Variants in PXYLP1 observed in about 807,000 individuals in gnomAD.
PXYLP1 encodes the protein 2-phosphoxylose phosphatase 1.
Under a neutral mutation model 37.9 loss-of-function variants are expected in PXYLP1, and 17 were observed. The ratio of observed to expected loss-of-function variants is 0.45; its 90% confidence interval spans 0.31 to 0.67. The LOEUF (loss-of-function observed/expected upper bound fraction) is 0.67, where lower values mean the gene tolerates loss of function less well. Ranked by LOEUF, PXYLP1 falls within the 30% of genes least tolerant of loss-of-function variation. The probability of loss-of-function intolerance (pLI) is 0.07; values close to 1 mark genes in which losing one functional copy is unlikely to be tolerated. For synonymous variants in PXYLP1, 221 were observed against 232.2 expected, an observed-to-expected ratio of 0.95 and a Z score of 0.44; for missense variants, 511 against 612.0, an observed-to-expected ratio of 0.84 and a Z score of 1.74.
chr3:141,276,959 C>T (rs6775902), intron 2 of PXYLP1, among the ~76,000 whole-genome samples: 44,679 of 152,102 alleles, frequency 0.29, 8,592 homozygotes, highest in African/African-American at 0.55. Flanking sequence ...TAATTATGAA[C>T]AAACTTAAGC....
At chr3:141,269,391 AG>A (rs1941608120) in intron 2 of PXYLP1, among the ~76,000 whole-genome samples, 1 of 152,050 alleles carries the variant, frequency 6.6e-6, no homozygotes, top group African/African-American at 2.4e-5. Context: ...TCTGGGTGGT[AG>A]GATTTATGGG....
chr3:141,267,397 A>C (rs892769447), intron 2 of PXYLP1: 2 of 152,208 alleles, frequency 1.3e-5, no homozygotes, highest in African/African-American at 4.8e-5. Flanking sequence ...GGAGACAAAA[A>C]GTATGAGAAA....
At chr3:141,238,368 G>A (rs901267406) in intron 1 of PXYLP1, among the ~76,000 whole-genome samples, 4 of 152,224 alleles carry the variant, frequency 2.6e-5, no homozygotes, top group Non-Finnish European at 5.9e-5. Context: ...CTGCCATCAC[G>A]GAGCTGGCAC....
chr3:141,279,269 T>A, intron 3 of PXYLP1, 109 bp from the exon 4 acceptor site: 1 of 1,437,776 alleles, frequency 7.0e-7, no homozygotes, highest in Non-Finnish European at 9.5e-7. Flanking sequence ...CCCTGCTGCC[T>A]CCGGCTCAGA....
intron 2 of PXYLP1, chr3:141,267,522 G>T (rs1941547915): frequency 6.6e-6 from 1 of 151,714 alleles, no homozygotes; most frequent in African/African-American, 2.4e-5. Context: ...TTTTCTTAAA[G>T]ATTTTACTTT....
Position 141,293,870 on chromosome 3 carries a change from C to G in PXYLP1, c.*665C>G, listed in dbSNP as rs961819396. On this transcript the variant is annotated 3_prime_UTR_variant, in exon 6 of 6. Transcript: ENST00000286353. ...GCTGACCCCTCATCTAAAAAATAGGCTATACTACAATTGCACTTCCAGCAC... is the reference window on the plus strand; with the variant it reads ...GCTGACCCCTCATCTAAAAAATAGGGTATACTACAATTGCACTTCCAGCAC... 2 of 152,214 alleles carry G rather than the reference C, an allele frequency of 1.3e-5. No homozygotes were observed. The highest frequency in any genetic ancestry group is 4.8e-5 in the African/African-American group (2 of 41,446). The allele number at this position is 152,214 out of a possible 1,614,324, so 9.4% of individuals were successfully genotyped here.
intron 2 of PXYLP1, among the ~76,000 whole-genome samples, chr3:141,268,153 A>G (rs1941567105): frequency 6.9e-6 from 1 of 145,542 alleles, no homozygotes; most frequent in Non-Finnish European, 1.5e-5. Flanking sequence ...GTACCTTTAT[A>G]TGCGGGTGGG....
chr3:141,244,392 A>G (rs535345915), intron 1 of PXYLP1, among the ~76,000 whole-genome samples: 3 of 151,858 alleles, frequency 2.0e-5, no homozygotes, highest in Non-Finnish European at 4.4e-5. Context: ...TGCACCCAAC[A>G]TACTATAAAA....
intron 1 of PXYLP1, among the ~76,000 whole-genome samples, chr3:141,236,953 TATTA>T (rs1420833352): frequency 3.3e-5 from 5 of 152,310 alleles, no homozygotes; most frequent in South Asian, 2.1e-4. Context: ...ATGCAAGTTA[TATTA>T]ATTATTAGGA....
chr3:141,257,904 CAAAAA>C lies in PXYLP1; in HGVS notation c.-53-2201_-53-2197del, dbSNP rs59070598. Among the ~76,000 whole-genome samples, 13 of 79,446 alleles carry C rather than the reference CAAAAA, an allele frequency of 1.6e-4. 1 individual carries two copies. The highest frequency in any genetic ancestry group is 8.6e-3 in the Middle Eastern group (1 of 116). The allele number at this position is 79,446 out of a possible 152,430, so 52.1% of individuals were successfully genotyped here. On this transcript the variant is annotated intron_variant, in intron 1 of 5. Coordinates refer to ENST00000286353, the MANE Select transcript of PXYLP1 (RefSeq NM_001037172.3). The stretch of plus-strand genomic sequence containing the variant: ...GGGCTACAAGAGCGAAACTCTGTCT[CAAAAA>C]AAAAAAAAAAAAAAAAAGAGAGAGA...
At position 141,292,537 on chromosome 3, in the gene PXYLP1, C is replaced by T. The variant is rs373743713; in HGVS notation, c.775C>T (p.Arg259Cys). 20 of 1,614,104 alleles carry T rather than the reference C, an allele frequency of 1.2e-5. No homozygotes were observed. The highest frequency in any genetic ancestry group is 1.7e-5 in the Admixed American group (1 of 60,002). The part of the protein sequence containing the change: ...VRNQYLEKEQ[R>C]RQYLLRLKNS... The stretch of plus-strand genomic sequence containing the variant: ...AAACCAGTATCTGGAAAAGGAGCAG[C>T]GTCGTCAGTACCTCCTACGTTTGAA... The change falls in exon 6 of 6, where the codon CGT becomes TGT. Residue 259 changes from arginine (R) to cysteine (C), a missense_variant. Transcript: ENST00000286353. The surrounding 1 kb of genome is among the most constrained non-coding windows in gnomAD (Gnocchi z 4.3).
chr3:141,247,060 G>A (rs1940977095), intron 1 of PXYLP1, among the ~76,000 whole-genome samples: 1 of 152,360 alleles, frequency 6.6e-6, no homozygotes, highest in South Asian at 2.1e-4. Context: ...GCAGCTCCAA[G>A]AGTAACAGGT....
At chr3:141,288,864 C>G (rs1029313304) in intron 5 of PXYLP1, among the ~76,000 whole-genome samples, 1 of 152,170 alleles carries the variant, frequency 6.6e-6, no homozygotes, top group Non-Finnish European at 1.5e-5. Flanking sequence ...CCACTGCACT[C>G]CAGCCTGAGT....
At chr3:141,248,594 C>T (rs9828891) in intron 1 of PXYLP1, among the ~76,000 whole-genome samples, 51,427 of 76,612 alleles carry the variant, frequency 0.67, 20,331 homozygotes, top group South Asian at 0.85. Flanking sequence ...TATACACACA[C>T]GTGTATATAT....
chr3:141,265,111 G>C (rs1372648441), intron 2 of PXYLP1, among the ~76,000 whole-genome samples: 1 of 152,168 alleles, frequency 6.6e-6, no homozygotes, highest in East Asian at 1.9e-4. Flanking sequence ...AAGGCAGAGT[G>C]AGAGAGAGCA....
intron 3 of PXYLP1, among the ~76,000 whole-genome samples, chr3:141,278,910 A>G (rs16851294): frequency 0.13 from 19,497 of 152,306 alleles, 1,590 homozygotes; most frequent in African/African-American, 0.23. Context: ...GCGTCTTGCC[A>G]TAGAAGTGAG....
At chr3:141,281,240 G>A (rs1941946959) in intron 4 of PXYLP1, among the ~76,000 whole-genome samples, 1 of 152,226 alleles carries the variant, frequency 6.6e-6, no homozygotes. Flanking sequence ...TACATGAAGT[G>A]AAGGGGCCAG....
At chr3:141,287,700 A>G (rs764777016) in intron 5 of PXYLP1, among the ~76,000 whole-genome samples, 2 of 152,252 alleles carry the variant, frequency 1.3e-5, no homozygotes, top group Non-Finnish European at 2.9e-5. Flanking sequence ...ACAAGTAAAA[A>G]GAAGAAAAAG....
chr3:141,248,599 A>ATATG (rs144332934), intron 1 of PXYLP1, among the ~76,000 whole-genome samples: 46,661 of 70,690 alleles, frequency 0.66, 17,669 homozygotes, highest in South Asian at 0.87. Flanking sequence ...ACACACGTGT[A>ATATG]TATATACACA....
Sources: allele counts gnomAD v4.1 joint callset (sites outside exome capture counted in the v4.1 genomes callset), GRCh38; gene constraint gnomAD v4.1.1; non-coding constraint Gnocchi (gnomAD v3.1); transcripts MANE v1.5; gene names NCBI Gene and HGNC (gene_info 2026-07-23, HGNC 2026-07-21).